The following PKNOX2 variants were observed in gnomAD, a reference collection of about 807,000 sequenced individuals.
The protein encoded by PKNOX2 is homeobox protein PKNOX2.
Under a neutral mutation model 53.1 loss-of-function variants are expected in PKNOX2, and 14 were observed. That is an observed-to-expected ratio of 0.26 (90% CI 0.17 to 0.41). The LOEUF (loss-of-function observed/expected upper bound fraction) is 0.41. Among genes scored for constraint, PKNOX2 ranks in the 10% least tolerant of loss-of-function variants. The pLI, the probability that PKNOX2 is intolerant of heterozygous loss-of-function variation, is 1.00. For synonymous variants in PKNOX2, 257 were observed against 242.8 expected, an observed-to-expected ratio of 1.06 and a Z score of -0.54; for missense variants, 496 against 602.8, an observed-to-expected ratio of 0.82 and a Z score of 1.85.
intron 2 of PKNOX2, among the ~76,000 whole-genome samples, chr11:125,278,250 G>T (rs1189157876): frequency 6.6e-6 from 1 of 151,068 alleles, no homozygotes; most frequent in Non-Finnish European, 1.5e-5. Context: ...GTAGTGGGAA[G>T]CAGGGAATAC....
At chr11:125,195,209 A>G (rs1235169897) in intron 1 of PKNOX2, among the ~76,000 whole-genome samples, 1 of 152,180 alleles carries the variant, frequency 6.6e-6, no homozygotes, top group Non-Finnish European at 1.5e-5. Flanking sequence ...CTTTAGATAT[A>G]AACACTGATT....
chr11:125,424,314 CG>C (rs1237338657), intron 10 of PKNOX2, among the ~76,000 whole-genome samples: 2 of 152,038 alleles, frequency 1.3e-5, no homozygotes, highest in East Asian at 3.9e-4. Flanking sequence ...AGAAGTTTCT[CG>C]GGTGACTTAT....
chr11:125,270,494 T>G (rs1400154690), intron 2 of PKNOX2, among the ~76,000 whole-genome samples: 1 of 152,208 alleles, frequency 6.6e-6, no homozygotes, highest in African/African-American at 2.4e-5. Flanking sequence ...GAATATCTTC[T>G]GTAATTGTCC....
intron 1 of PKNOX2, among the ~76,000 whole-genome samples, chr11:125,183,080 G>C (rs1251123442): frequency 1.3e-5 from 2 of 152,042 alleles, no homozygotes; most frequent in Admixed American, 1.3e-4. Context: ...CTCCACTGCT[G>C]ATCAGCACCC....
chr11:125,409,273 T>TC (rs1955324653), intron 7 of PKNOX2, among the ~76,000 whole-genome samples: 1 of 152,170 alleles, frequency 6.6e-6, no homozygotes, highest in African/African-American at 2.4e-5. Context: ...TCCAAGGACT[T>TC]CTTTACCCAG....
chr11:125,352,405 C>T lies in PKNOX2; in HGVS notation c.87+1013C>T, dbSNP rs1258116940. ...TGTGGGCAGGCTACCATCTGCACTC[C>T]TCCAGCAGCCACTCTCTGCCCTCCT... On this transcript the variant is annotated intron_variant, in intron 4 of 12. Coordinates refer to ENST00000298282, the MANE Select transcript of PKNOX2 (RefSeq NM_001382323.2). The surrounding 1 kb of genome is among the most constrained non-coding windows in gnomAD (Gnocchi z 4.1). 6.6e-6 allele frequency among the ~76,000 whole-genome samples: 1 copy of T among 152,188 alleles called. No individual in the cohort carries two copies. The highest frequency in any genetic ancestry group is 1.5e-5 in the Non-Finnish European group (1 of 68,032).
intron 10 of PKNOX2, among the ~76,000 whole-genome samples, chr11:125,420,470 G>T (rs1200886373): frequency 6.6e-6 from 1 of 151,740 alleles, no homozygotes; most frequent in African/African-American, 2.4e-5. Context: ...AGCTTGCAGT[G>T]AGCTGAGATT....
At chr11:125,183,522 C>T (rs897977525) in intron 1 of PKNOX2, among the ~76,000 whole-genome samples, 5 of 152,138 alleles carry the variant, frequency 3.3e-5, no homozygotes, top group Admixed American at 6.6e-5. Flanking sequence ...CTTTGTGGAT[C>T]GTTGGTGACA....
chr11:125,203,305 G>A (rs1053113619), intron 1 of PKNOX2, among the ~76,000 whole-genome samples: 2 of 152,166 alleles, frequency 1.3e-5, no homozygotes, highest in Non-Finnish European at 2.9e-5. Context: ...ACAAGGTCTC[G>A]CTATGTTGGC....
intron 1 of PKNOX2, among the ~76,000 whole-genome samples, chr11:125,224,291 A>ACTGT (rs1362030463): frequency 1.3e-5 from 2 of 152,180 alleles, no homozygotes; most frequent in African/African-American, 4.8e-5. Context: ...CCAGGTGGAG[A>ACTGT]CTGTCAGCTG....
chr11:125,393,176 G>A (rs1260916306), intron 6 of PKNOX2, among the ~76,000 whole-genome samples: 7 of 139,472 alleles, frequency 5.0e-5, no homozygotes, highest in Admixed American at 6.9e-5. Flanking sequence ...AAAAAAAAAA[G>A]AGAGAAGAGA....
chr11:125,166,338 C>A lies in PKNOX2; in HGVS notation c.-201+1562C>A, dbSNP rs1380464945. Among the ~76,000 whole-genome samples the A allele has an allele frequency of 1.3e-5, 2 of 152,198 alleles. No homozygotes were observed. The highest frequency in any genetic ancestry group is 4.8e-5 in the African/African-American group (2 of 41,458). On this transcript the variant is annotated intron_variant, in intron 1 of 12. Coordinates refer to ENST00000298282, the MANE Select transcript of PKNOX2 (RefSeq NM_001382323.2). This position sits in a 1 kb window ranked among gnomAD's most constrained non-coding sequence, Gnocchi z 4.0. ...TGAAAGTAGTTGATCTGAGCCATGGCAGGCGAGCCCCGAATTTTTGCTGCT... is the reference window on the plus strand; with the variant it reads ...TGAAAGTAGTTGATCTGAGCCATGGAAGGCGAGCCCCGAATTTTTGCTGCT...
intron 6 of PKNOX2, among the ~76,000 whole-genome samples, chr11:125,394,072 A>C (rs1359426024): frequency 6.6e-6 from 1 of 152,210 alleles, no homozygotes; most frequent in East Asian, 1.9e-4. Context: ...TGTGGAATAA[A>C]TAAGGCCTGG....
In PKNOX2 at chr11:125,352,942, G is replaced by A. The variant is rs1223132949; in HGVS notation, c.87+1550G>A. On this transcript the variant is annotated intron_variant, in intron 4 of 12. Coordinates refer to ENST00000298282, the MANE Select transcript of PKNOX2 (RefSeq NM_001382323.2). The surrounding 1 kb of genome is among the most constrained non-coding windows in gnomAD (Gnocchi z 4.1). ...CTGTAGTTTCAGCTCCCGAGACAAA[G>A]TTCAGAAGGAGCCCTCAACTGATGG... is the stretch of plus-strand genomic sequence containing the variant. 6.6e-6 allele frequency among the ~76,000 whole-genome samples: 1 copy of A among 152,124 alleles called. No homozygotes were observed. The highest frequency in any genetic ancestry group is 2.4e-5 in the African/African-American group (1 of 41,414).
At chr11:125,376,171 T>C (rs376539379) in intron 5 of PKNOX2, among the ~76,000 whole-genome samples, 2 of 152,170 alleles carry the variant, frequency 1.3e-5, no homozygotes, top group African/African-American at 4.8e-5. Flanking sequence ...TTGCCGGGAA[T>C]GGACCTGTCC....
At chr11:125,306,425 G>C (rs1409437161) in intron 2 of PKNOX2, among the ~76,000 whole-genome samples, 1 of 152,120 alleles carries the variant, frequency 6.6e-6, no homozygotes, top group Non-Finnish European at 1.5e-5. Context: ...TCCTGGGCTG[G>C]CTTTTCTTTC....
chr11:125,279,636 T>C (rs55967843), intron 2 of PKNOX2, among the ~76,000 whole-genome samples: 16,731 of 152,068 alleles, frequency 0.11, 2,921 homozygotes, highest in African/African-American at 0.37. Context: ...ACCTCAGAAG[T>C]GGAACGCAGG....
intron 5 of PKNOX2, among the ~76,000 whole-genome samples, chr11:125,373,894 A>G (rs1952692940): frequency 1.3e-5 from 2 of 151,908 alleles, no homozygotes; most frequent in Admixed American, 1.3e-4. Context: ...AGCGTGGGAG[A>G]GTTGCACTGC....
At chr11:125,356,033 C>G (rs572955478) in intron 4 of PKNOX2, among the ~76,000 whole-genome samples, 14 of 147,930 alleles carry the variant, frequency 9.5e-5, no homozygotes, top group Non-Finnish European at 1.7e-4. Flanking sequence ...ATCAGCACCC[C>G]CCCCCCCACA....
Sources: gnomAD v4.1 joint callset for allele counts (sites outside exome capture counted in the v4.1 genomes callset) on GRCh38, gnomAD v4.1.1 for gene constraint, Gnocchi (gnomAD v3.1) non-coding constraint, MANE v1.5 for transcripts, NCBI Gene and HGNC (gene_info 2026-07-23, HGNC 2026-07-21) for gene names.